Variants in GNAL observed in about 807,000 individuals in gnomAD.
GNAL encodes guanine nucleotide-binding protein G(olf) subunit alpha.
A neutral mutation model predicts 55.1 loss-of-function variants in GNAL; 18 were observed. That is an observed-to-expected ratio of 0.33 (90% CI 0.23 to 0.48). The LOEUF is 0.48. GNAL is among the 20% of genes least tolerant of loss of function. The pLI is 0.99. For synonymous variants in GNAL, 253 were observed against 237.0 expected, an observed-to-expected ratio of 1.07 and a Z score of -0.62; for missense variants, 412 against 614.1, an observed-to-expected ratio of 0.67 and a Z score of 3.48.
At chr18:11,705,642 G>T (rs1243431736) in intron 1 of GNAL, among the ~76,000 whole-genome samples, 3 of 151,986 alleles carry the variant, frequency 2.0e-5, no homozygotes, top group Non-Finnish European at 4.4e-5. Flanking sequence ...TTTTGATAAT[G>T]GCCATCCTAA....
chr18:11,876,385 C>T (rs1199737421), intron 10 of GNAL, among the ~76,000 whole-genome samples: 2 of 152,018 alleles, frequency 1.3e-5, no homozygotes, highest in African/African-American at 4.8e-5. Context: ...ATCACTTGAA[C>T]CGGGGAGGTG....
intron 1 of GNAL, among the ~76,000 whole-genome samples, chr18:11,748,110 A>G (rs1171935077): frequency 6.6e-6 from 1 of 152,184 alleles, no homozygotes; most frequent in Non-Finnish European, 1.5e-5. Flanking sequence ...AAACTAGAAA[A>G]AGGTCAGGTG....
intron 5 of GNAL, among the ~76,000 whole-genome samples, chr18:11,860,119 T>C (rs1302003838): frequency 1.4e-4 from 21 of 152,206 alleles, no homozygotes; most frequent in Admixed American, 1.4e-3. Flanking sequence ...TTCCCTTGGC[T>C]TCCAGGGAAA....
At position 11,885,092 on chromosome 18, in the gene GNAL, T is replaced by C; in HGVS notation, c.*3957T>C. Reference sequence around the variant, plus strand: ...GTCTCCATGGGCTTTTCTTTGCAGATACTTTTATGTGGAACAACAGTGGCA... The same window carrying C: ...GTCTCCATGGGCTTTTCTTTGCAGACACTTTTATGTGGAACAACAGTGGCA... On this transcript the variant is annotated 3_prime_UTR_variant, in exon 12 of 12. Coordinates refer to ENST00000334049, the MANE Select transcript of GNAL (RefSeq NM_182978.4). 1 of 1,240,442 alleles carries C rather than the reference T, an allele frequency of 8.1e-7. No individual in the cohort carries two copies. The highest frequency in any genetic ancestry group is 2.2e-4 in the Middle Eastern group (1 of 4,524). 76.8% of individuals were successfully genotyped at this position (1,240,442 alleles called of 1,614,324 possible). A position where few individuals can be genotyped will look rare whatever the true frequency, so the allele number is the denominator to read the frequency against.
rs113664128 is a variant in GNAL, at chr18:11,700,071, C to T, written c.376+10132C>T. The stretch of plus-strand genomic sequence containing the variant: ...AAAAGAAGTCAGTGAAAGATTTTGT[C>T]CTTGAATTAGGATCCCAAGAGGAGG... On this transcript the variant is annotated intron_variant, in intron 1 of 11. Transcript: ENST00000334049. 5.0e-3 allele frequency among the ~76,000 whole-genome samples: 761 copies of T among 152,212 alleles called. 7 individuals are homozygous for T. Among genetic ancestry groups the T allele is most frequent in the African/African-American group, 0.018 (728 of 41,526 alleles).
At chr18:11,757,666 G>C (rs2033103257) in intron 4 of GNAL, among the ~76,000 whole-genome samples, 1 of 152,182 alleles carries the variant, frequency 6.6e-6, no homozygotes, top group South Asian at 2.1e-4. Flanking sequence ...GTAGAAACAG[G>C]TTGGGAGGAG....
intron 5 of GNAL, among the ~76,000 whole-genome samples, chr18:11,837,333 C>T (rs1234587743): frequency 6.6e-6 from 1 of 152,080 alleles, no homozygotes; most frequent in Non-Finnish European, 1.5e-5. Context: ...AGTGAAAAAA[C>T]AAGCTCATAG....
intron 1 of GNAL, among the ~76,000 whole-genome samples, chr18:11,715,475 A>AG (rs1015333616): frequency 2.0e-5 from 3 of 151,802 alleles, no homozygotes; most frequent in African/African-American, 7.3e-5. Flanking sequence ...AAAAAAAAAA[A>AG]AAAGAAAAGA....
chr18:11,824,265 G>GT (rs1361827191), intron 4 of GNAL, among the ~76,000 whole-genome samples: 2 of 17,426 alleles, frequency 1.1e-4, no homozygotes, highest in Non-Finnish European at 5.9e-4. Context: ...GCTGAGATGG[G>GT]GGGGGGGTTC....
rs1813534194 is a variant in GNAL at position 11,689,538 on chromosome 18, C to G, written c.-26C>G. The G allele has an allele frequency of 8.6e-7, 1 of 1,157,504 alleles. No homozygotes were observed. Among genetic ancestry groups the G allele is most frequent in the Non-Finnish European group, 1.1e-6 (1 of 916,740 alleles). 71.7% of individuals were successfully genotyped at this position (1,157,504 alleles called of 1,614,324 possible). On this transcript the variant is annotated 5_prime_UTR_variant, in exon 1 of 12. Transcript: ENST00000334049. ...GCGCCCAGCCTGCCCTAGTCCCGCG[C>G]GCCGCCCCCGCTGTGCCGCGCCCAC...
intron 1 of GNAL, among the ~76,000 whole-genome samples, chr18:11,733,091 A>G (rs2032376165): frequency 6.7e-6 from 1 of 148,504 alleles, no homozygotes; most frequent in Non-Finnish European, 1.5e-5. Flanking sequence ...TGAAGAGAAG[A>G]CTCTGATCTG....
intron 5 of GNAL, among the ~76,000 whole-genome samples, chr18:11,835,004 C>G (rs1238277639): frequency 1.3e-5 from 2 of 152,118 alleles, no homozygotes; most frequent in South Asian, 2.1e-4. Context: ...GCTGCATTGT[C>G]TACAAAAATG....
intron 1 of GNAL, among the ~76,000 whole-genome samples, chr18:11,718,470 G>A (rs905494469): frequency 6.6e-6 from 1 of 152,056 alleles, no homozygotes; most frequent in South Asian, 2.1e-4. Context: ...ATAATGCACC[G>A]TTTATTTTTC....
chr18:11,730,770 G>GA (rs773107790), intron 1 of GNAL, among the ~76,000 whole-genome samples: 4 of 151,138 alleles, frequency 2.6e-5, no homozygotes, highest in East Asian at 2.0e-4. Flanking sequence ...TCTCAAAAAG[G>GA]AAAAAAAATA....
intron 5 of GNAL, chr18:11,851,392 A>C (rs11877780): frequency 3.9e-6 from 5 of 1,281,128 alleles, no homozygotes; most frequent in Non-Finnish European, 4.2e-6. Context: ...CGCCGCTCAC[A>C]GTAGAAACAG....
At chr18:11,702,436 G>C (rs1319281278) in intron 1 of GNAL, 2 of 152,354 alleles carry the variant, frequency 1.3e-5, no homozygotes, top group African/African-American at 4.8e-5. Context: ...GCCCAAGCCA[G>C]CATACCCCAG....
At chr18:11,737,313 A>G (rs1462190223) in intron 1 of GNAL, among the ~76,000 whole-genome samples, 2 of 152,248 alleles carry the variant, frequency 1.3e-5, no homozygotes, top group Admixed American at 6.5e-5. Flanking sequence ...TTGCTTCATT[A>G]CAATAATGCC....
rs182173922 is a variant in GNAL at position 11,877,432 on chromosome 18, C to G, written c.1230+744C>G. Among the ~76,000 whole-genome samples, 572 of 152,302 alleles carry G rather than the reference C, an allele frequency of 3.8e-3. 2 individuals carry two copies. The highest frequency in any genetic ancestry group is 0.014 in the Middle Eastern group (4 of 294). ...ACCACACCACTGCACTCCAGCCTGG[C>G]CGACAGAGCGAGACTCTGTCTCAAA... On this transcript the variant is annotated intron_variant, in intron 11 of 11. Transcript: ENST00000334049.
rs749489556 is a variant in GNAL, at chr18:11,884,633, A to T, written c.*3498A>T. 6.2e-7 allele frequency: 1 copy of T among 1,612,836 alleles called. No homozygotes were observed. The highest frequency in any genetic ancestry group is 1.1e-5 in the South Asian group (1 of 91,066). On this transcript the variant is annotated 3_prime_UTR_variant, in exon 12 of 12. Transcript: ENST00000334049. ...TCTGTGGGCGTGATGCTACCCTGGA[A>T]AGGAGAAGGGAAAGTTATGCTGAGA...
Sources: gnomAD v4.1 joint callset for allele counts (sites outside exome capture counted in the v4.1 genomes callset) on GRCh38, gnomAD v4.1.1 for gene constraint, MANE v1.5 for transcripts, NCBI Gene and HGNC (gene_info 2026-07-23, HGNC 2026-07-21) for gene names.